The following SIK3 variants were observed in gnomAD, a reference collection of about 807,000 sequenced individuals.
SIK3 encodes the protein serine/threonine-protein kinase SIK3.
SIK3 carries 28 observed loss-of-function variants against 144.2 expected under a neutral mutation model. The observed-to-expected ratio is 0.19, with a 90% confidence interval of 0.14 to 0.27. The LOEUF is 0.27. Ranked by LOEUF, SIK3 falls within the 10% of genes least tolerant of loss-of-function variation. The pLI is 1.00. For missense variants in SIK3, 1,319 were observed against 1,776.0 expected (o/e 0.74, Z 4.62); for synonymous variants, 686 against 676.3 (o/e 1.01, Z -0.22).
chr11:117,023,621 A>AAAAAAAAATATATATATATATAT (rs754624841), intron 1 of SIK3, among the ~76,000 whole-genome samples: 1 of 95,406 alleles, frequency 1.0e-5, no homozygotes, highest in East Asian at 3.1e-4. Context: ...AAAAAAAAAA[A>AAAAAAAAATATATATATATATAT]ATATATATAT....
chr11:116,884,078 G>A (rs922360591), intron 6 of SIK3, among the ~76,000 whole-genome samples: 1 of 152,022 alleles, frequency 6.6e-6, no homozygotes, highest in Non-Finnish European at 1.5e-5. Flanking sequence ...TGTTATTTTG[G>A]GTACTGCTAG....
chr11:116,888,181 C>T (rs1944928235), intron 6 of SIK3, among the ~76,000 whole-genome samples: 1 of 152,184 alleles, frequency 6.6e-6, no homozygotes, highest in Non-Finnish European at 1.5e-5. Context: ...AACACTATAC[C>T]AGCTCTGCTG....
At chr11:116,879,095 A>G (rs916876609) in intron 6 of SIK3, among the ~76,000 whole-genome samples, 3 of 152,226 alleles carry the variant, frequency 2.0e-5, no homozygotes, top group Non-Finnish European at 4.4e-5. Context: ...TTATATCTAG[A>G]CACTTAGGAG....
At chr11:116,883,858 C>G (rs868525883) in intron 6 of SIK3, among the ~76,000 whole-genome samples, 2 of 151,826 alleles carry the variant, frequency 1.3e-5, no homozygotes, top group African/African-American at 4.8e-5. Context: ...CACTTGAACC[C>G]GGGAGGCAGA....
At chr11:116,946,027 C>T (rs951716590) in intron 3 of SIK3, among the ~76,000 whole-genome samples, 1 of 152,218 alleles carries the variant, frequency 6.6e-6, no homozygotes, top group Non-Finnish European at 1.5e-5. Flanking sequence ...CCTACACCCA[C>T]ATGCATCCTT....
At chr11:117,071,770 C>G (rs1171787091) in intron 1 of SIK3, among the ~76,000 whole-genome samples, 1 of 149,308 alleles carries the variant, frequency 6.7e-6, no homozygotes, top group African/African-American at 2.5e-5. Flanking sequence ...TGTGTGCCAC[C>G]ATGCTTGGTT....
chr11:116,972,803 CAT>C (rs1361835476), intron 1 of SIK3, among the ~76,000 whole-genome samples: 1 of 148,596 alleles, frequency 6.7e-6, no homozygotes, highest in East Asian at 1.9e-4. Context: ...CTCACACACA[CAT>C]ACACACACAC....
At position 116,984,915 on chromosome 11, in the gene SIK3, G is replaced by C. The variant is rs145124425; in HGVS notation, c.274-27851C>G. On this transcript the variant is annotated intron_variant, in intron 1 of 24. Coordinates refer to ENST00000445177, the MANE Select transcript of SIK3 (RefSeq NM_001366686.3). ...ATAGAGTCCAGAAGCACCAGTTACC[G>C]CACTCCCAAATAGGGACCTACAAAA... is the stretch of plus-strand genomic sequence containing the variant. 5.3e-5 allele frequency among the ~76,000 whole-genome samples: 8 copies of C among 152,134 alleles called. No individual in the cohort carries two copies. In the East Asian group the frequency reaches 1.5e-3, roughly 29 times the overall value.
intron 6 of SIK3, among the ~76,000 whole-genome samples, chr11:116,881,619 A>G (rs1944556513): frequency 1.3e-5 from 2 of 152,190 alleles, no homozygotes; most frequent in East Asian, 1.9e-4. Context: ...TTGGGAGATA[A>G]GTCTTCTCCA....
chr11:117,067,668 T>G (rs2135984294), intron 1 of SIK3, among the ~76,000 whole-genome samples: 1 of 152,310 alleles, frequency 6.6e-6, no homozygotes, highest in Middle Eastern at 3.4e-3. Flanking sequence ...GAATGTAAAT[T>G]ATGCCTCAAT....
intron 1 of SIK3, among the ~76,000 whole-genome samples, chr11:117,041,375 C>A (rs1206058976): frequency 6.6e-6 from 1 of 152,140 alleles, no homozygotes; most frequent in Non-Finnish European, 1.5e-5. Flanking sequence ...TCTAGCCCTT[C>A]AGGGATCCAC....
chr11:116,945,451 C>G (rs1044100488), intron 3 of SIK3, among the ~76,000 whole-genome samples: 3 of 144,034 alleles, frequency 2.1e-5, no homozygotes, highest in Non-Finnish European at 4.5e-5. Context: ...TTTCAAACTC[C>G]TGGGCTCCAG....
intron 1 of SIK3, among the ~76,000 whole-genome samples, chr11:116,986,684 T>C (rs569568): frequency 0.056 from 8,602 of 152,256 alleles, 519 homozygotes; most frequent in African/African-American, 0.15. Flanking sequence ...TGTTAGTCAC[T>C]AGCTATTGTC....
intron 1 of SIK3, among the ~76,000 whole-genome samples, chr11:117,054,046 T>A (rs572795714): frequency 6.6e-6 from 1 of 152,304 alleles, no homozygotes; most frequent in Admixed American, 6.5e-5. Flanking sequence ...GCTAGGACTG[T>A]GGGTATATAC....
intron 1 of SIK3, among the ~76,000 whole-genome samples, chr11:117,022,955 C>A (rs888066105): frequency 6.6e-6 from 1 of 152,072 alleles, no homozygotes; most frequent in African/African-American, 2.4e-5. Flanking sequence ...ATAACTGGAT[C>A]TATTTCAAGG....
At chr11:117,085,141 G>T (rs1051489200) in intron 1 of SIK3, among the ~76,000 whole-genome samples, 29 of 150,992 alleles carry the variant, frequency 1.9e-4, no homozygotes, top group African/African-American at 7.1e-4. Context: ...TTAGAGACAG[G>T]GTCTCTGTCA....
intron 1 of SIK3, among the ~76,000 whole-genome samples, chr11:117,033,689 G>T (rs1209276934): frequency 7.1e-6 from 1 of 141,654 alleles, no homozygotes; most frequent in East Asian, 2.1e-4. Flanking sequence ...AGTCTGGGGG[G>T]AAAGAGCGAG....
At chr11:117,080,385 A>T (rs994703542) in intron 1 of SIK3, among the ~76,000 whole-genome samples, 1 of 152,216 alleles carries the variant, frequency 6.6e-6, no homozygotes, top group Non-Finnish European at 1.5e-5. Context: ...CTAGTAAATT[A>T]TTCTATACAA....
chr11:116,985,307 C>T (rs1950290617), intron 1 of SIK3, among the ~76,000 whole-genome samples: 1 of 152,148 alleles, frequency 6.6e-6, no homozygotes, highest in African/African-American at 2.4e-5. Context: ...CTCTATGATG[C>T]TGGCTGTGGG....
Sources: allele counts gnomAD v4.1 joint callset (sites outside exome capture counted in the v4.1 genomes callset), GRCh38; gene constraint gnomAD v4.1.1; transcripts MANE v1.5; gene names NCBI Gene and HGNC (gene_info 2026-07-23, HGNC 2026-07-21).